COLQ: variants seen among roughly 807,000 people sequenced by gnomAD.
COLQ encodes acetylcholinesterase collagenic tail peptide.
COLQ carries 48 observed loss-of-function variants against 69.0 expected under a neutral mutation model. That is an observed-to-expected ratio of 0.70 (90% CI 0.55 to 0.88). The LOEUF (loss-of-function observed/expected upper bound fraction) is 0.88. Among genes scored for constraint, COLQ ranks in the 40% least tolerant of loss-of-function variants. COLQ has a pLI of 0.00. For synonymous variants in COLQ, 217 were observed against 211.2 expected (o/e 1.03, Z -0.24); for missense variants, 618 against 594.6 (o/e 1.04, Z -0.41).
At chr3:15,521,458 T>G in intron 1 of COLQ, 62 bp downstream of exon 1, 1 of 1,605,850 alleles carries the variant, frequency 6.2e-7, no homozygotes. Context: ...TGCAAAACAA[T>G]CTTCCTTCCT....
intron 1 of COLQ, among the ~76,000 whole-genome samples, chr3:15,504,118 C>A (rs1021285708): frequency 7.9e-5 from 12 of 151,924 alleles, no homozygotes; most frequent in African/African-American, 2.9e-4. Context: ...TTCTATTCTT[C>A]AAAGAGGGTG....
chr3:15,464,868 T>C (rs565451734), intron 12 of COLQ, among the ~76,000 whole-genome samples: 7 of 152,224 alleles, frequency 4.6e-5, no homozygotes, highest in South Asian at 2.1e-4. Context: ...GCTAATAAAA[T>C]TGAATGAGGT....
At chr3:15,467,783 CT>C in intron 11 of COLQ, 1 of 441,982 alleles carries the variant, frequency 2.3e-6, no homozygotes, top group Non-Finnish European at 4.5e-6. Flanking sequence ...GAAATGTAAT[CT>C]TCCTCAAATC....
At chr3:15,484,649 G>A (rs1049284184) in intron 3 of COLQ, among the ~76,000 whole-genome samples, 1 of 151,888 alleles carries the variant, frequency 6.6e-6, no homozygotes. Flanking sequence ...TTCTCTTCTC[G>A]CTTCATTTCA....
chr3:15,454,285 C>G (rs183301989), intron 15 of COLQ, among the ~76,000 whole-genome samples: 1 of 152,246 alleles, frequency 6.6e-6, no homozygotes, highest in Non-Finnish European at 1.5e-5. Context: ...ACTGCTGAGC[C>G]CCAGTGAGGG....
chr3:15,484,755 T>G (rs1046120104), intron 3 of COLQ, among the ~76,000 whole-genome samples: 4 of 149,778 alleles, frequency 2.7e-5, no homozygotes, highest in African/African-American at 9.9e-5. Flanking sequence ...GTGCTGTGGT[T>G]TTCAGCTCCA....
rs192595155 is a variant in COLQ, at chr3:15,520,292, T to A, written c.106+1228A>T. ...CACTCACCTTTCCTGCCCACCCTCC[T>A]GAATTCTCCACAAATCTGCCCCCAC... On this transcript the variant is annotated intron_variant, in intron 1 of 16. Coordinates refer to ENST00000383788, the MANE Select transcript of COLQ (RefSeq NM_005677.4). Among the ~76,000 whole-genome samples, 221 of 152,342 alleles carry A rather than the reference T, an allele frequency of 1.5e-3. 2 individuals carry two copies. Among genetic ancestry groups the A allele is most frequent in the Non-Finnish European group, 1.2e-3 (84 of 68,024 alleles).
At chr3:15,493,637 C>G (rs1213933020) in intron 1 of COLQ, among the ~76,000 whole-genome samples, 1 of 152,248 alleles carries the variant, frequency 6.6e-6, no homozygotes, top group African/African-American at 2.4e-5. Context: ...GTTTGCCCAG[C>G]CAGGTGACAG....
intron 16 of COLQ, 110 bp from the exon 17 acceptor site, chr3:15,451,823 T>C: frequency 1.1e-6 from 1 of 940,200 alleles, no homozygotes; most frequent in Non-Finnish European, 1.7e-6. Context: ...AAGAACTTTT[T>C]CCCATTCTCA....
chr3:15,451,368 T>C lies in COLQ; in HGVS notation c.*276A>G, dbSNP rs766923758. On this transcript the variant is annotated 3_prime_UTR_variant, in exon 17 of 17. Transcript: ENST00000383788. ...GCAACATTCCAGAAGAGGAAGAGCA[T>C]TGTAGCCGGTTGTTTGGCCAAATGG... 3.0e-5 allele frequency: 18 copies of C among 600,602 alleles called. No homozygotes were observed. The highest frequency in any genetic ancestry group is 1.1e-4 in the African/African-American group (6 of 54,318). The allele number at this position is 600,602 out of a possible 1,614,324, so 37.2% of individuals were successfully genotyped here.
chr3:15,512,281 G>T (rs2062997280), intron 1 of COLQ, among the ~76,000 whole-genome samples: 1 of 152,128 alleles, frequency 6.6e-6, no homozygotes, highest in African/African-American at 2.4e-5. Flanking sequence ...CCCGCAGCTG[G>T]TTGATGGTGC....
chr3:15,494,309 G>A (rs954171175), intron 1 of COLQ, among the ~76,000 whole-genome samples: 1 of 152,122 alleles, frequency 6.6e-6, no homozygotes, highest in Non-Finnish European at 1.5e-5. Context: ...GCATGCAGCA[G>A]GGCACGGGAC....
chr3:15,484,964 GA>G (rs1484995218), intron 3 of COLQ, among the ~76,000 whole-genome samples: 1 of 152,250 alleles, frequency 6.6e-6, no homozygotes, highest in African/African-American at 2.4e-5. Context: ...CTTTGGAGGA[GA>G]AGAGGCACTC....
intron 8 of COLQ, 150 bp downstream of exon 8, chr3:15,474,775 C>A: frequency 1.0e-6 from 1 of 957,914 alleles, no homozygotes. Flanking sequence ...ACTTCTCTCT[C>A]AGTCCACTGA....
chr3:15,497,689 A>G (rs2062765696), intron 1 of COLQ, among the ~76,000 whole-genome samples: 1 of 152,184 alleles, frequency 6.6e-6, no homozygotes, highest in African/African-American at 2.4e-5. Context: ...GCCTGTGGGA[A>G]CTTGCATGAG....
At chr3:15,458,118 AG>A in intron 13 of COLQ, 67 bp downstream of exon 13, 1 of 1,562,558 alleles carries the variant, frequency 6.4e-7, no homozygotes, top group Non-Finnish European at 8.8e-7. Context: ...GATTTTACAA[AG>A]CCCCATAAGG....
intron 8 of COLQ, 29 bp from the exon 9 acceptor site, chr3:15,474,301 T>C: frequency 6.2e-7 from 1 of 1,610,124 alleles, no homozygotes. Flanking sequence ...AGAAAGTCAA[T>C]GAGTTAATAT....
chr3:15,495,248 C>T (rs372375824), intron 1 of COLQ, among the ~76,000 whole-genome samples: 1 of 152,140 alleles, frequency 6.6e-6, no homozygotes. Context: ...GAACACACAC[C>T]GGAAGGAACC....
intron 1 of COLQ, among the ~76,000 whole-genome samples, chr3:15,492,729 G>A (rs560761012): frequency 2.0e-5 from 3 of 152,208 alleles, no homozygotes; most frequent in African/African-American, 4.8e-5. Context: ...TTATATATAA[G>A]TACGAATGTT....
Sources: gnomAD v4.1 joint callset for allele counts (sites outside exome capture counted in the v4.1 genomes callset) on GRCh38, gnomAD v4.1.1 for gene constraint, MANE v1.5 for transcripts, NCBI Gene and HGNC (gene_info 2026-07-23, HGNC 2026-07-21) for gene names.